Variants in PDE4D observed in about 807,000 individuals in gnomAD.
PDE4D encodes 3',5'-cyclic-AMP phosphodiesterase 4D.
Under a neutral mutation model 87.4 loss-of-function variants are expected in PDE4D, and 24 were observed. The observed-to-expected ratio is 0.27, with a 90% CI of 0.20 to 0.39. PDE4D has a LOEUF of 0.39. PDE4D is among the 10% of genes least tolerant of loss of function. PDE4D has a pLI of 1.00. For synonymous variants in PDE4D, 384 were observed against 383.2 expected (o/e 1.00, Z -0.02); for missense variants, 714 against 1,041.0 (o/e 0.69, Z 4.32).
chr5:59,642,830 T>C (rs1313713439), intron 1 of PDE4D, among the ~76,000 whole-genome samples: 1 of 152,228 alleles, frequency 6.6e-6, no homozygotes, highest in African/African-American at 2.4e-5. Flanking sequence ...TCATCTGATT[T>C]TTCTAATTTT....
At chr5:59,153,711 T>C (rs1233227365) in intron 5 of PDE4D, among the ~76,000 whole-genome samples, 2 of 151,874 alleles carry the variant, frequency 1.3e-5, no homozygotes, top group Admixed American at 6.6e-5. Context: ...ACTAGTACTA[T>C]GTGTGGTTAT....
intron 6 of PDE4D, among the ~76,000 whole-genome samples, chr5:59,026,703 T>C (rs200302671): frequency 2.5e-3 from 381 of 151,994 alleles, no homozygotes; most frequent in Non-Finnish European, 4.5e-3. Flanking sequence ...ACCCCAGATA[T>C]AGGATGGGAA....
chr5:59,962,747 T>C (rs1349687346), intron 3 of PDE4D, among the ~76,000 whole-genome samples: 2 of 152,108 alleles, frequency 1.3e-5, no homozygotes, highest in Non-Finnish European at 2.9e-5. Context: ...ATTATAAAAT[T>C]GGGTTGGGCA....
chr5:59,473,739 C>A (rs1802835907), intron 1 of PDE4D, among the ~76,000 whole-genome samples: 1 of 152,080 alleles, frequency 6.6e-6, no homozygotes, highest in African/African-American at 2.4e-5. Context: ...AACCTGTCAT[C>A]ATTACTCTTC....
chr5:59,695,354 A>C (rs1396002696), intron 1 of PDE4D, among the ~76,000 whole-genome samples: 1 of 151,854 alleles, frequency 6.6e-6, no homozygotes, highest in Non-Finnish European at 1.5e-5. Context: ...CAGGAACTGC[A>C]CCTTTTATTG....
At chr5:59,770,992 G>A (rs754800358) in intron 1 of PDE4D, among the ~76,000 whole-genome samples, 1 of 151,944 alleles carries the variant, frequency 6.6e-6, no homozygotes, top group Non-Finnish European at 1.5e-5. Flanking sequence ...ATAGCTGAGT[G>A]TGGTGGCATG....
intron 1 of PDE4D, among the ~76,000 whole-genome samples, chr5:59,578,105 T>C (rs1823482649): frequency 6.6e-6 from 1 of 152,106 alleles, no homozygotes; most frequent in Non-Finnish European, 1.5e-5. Context: ...AGGTTCCTAT[T>C]AAAAAGGGAG....
intron 5 of PDE4D, among the ~76,000 whole-genome samples, chr5:59,163,538 C>A (rs1163997495): frequency 6.6e-6 from 1 of 151,818 alleles, no homozygotes; most frequent in Non-Finnish European, 1.5e-5. Flanking sequence ...TCCCAAAATG[C>A]TGGATAACAG....
In PDE4D at chr5:59,762,348, G is replaced by GGGTACA. The variant is rs2150784956; in HGVS notation, c.455+130819_455+130820insTGTACC. ...CATATGCGTATATGGGTACACATAT[G>GGGTACA]CATATATGTGTATATGGGTACACAT... On this transcript the variant is annotated intron_variant, in intron 1 of 14. Coordinates refer to ENST00000340635, the MANE Select transcript of PDE4D (RefSeq NM_001104631.2). 1.6e-5 allele frequency among the ~76,000 whole-genome samples: 2 copies of GGGTACA among 123,684 alleles called. 1 individual carries two copies. The highest frequency in any genetic ancestry group is 1.5e-4 in the Admixed American group (2 of 13,074). 81.1% of individuals were successfully genotyped at this position (123,684 alleles called of 152,430 possible).
chr5:59,587,025 C>T, intron 1 of PDE4D: 3 of 984,786 alleles, frequency 3.0e-6, no homozygotes, highest in Non-Finnish European at 3.6e-6. Context: ...GCTGGTTCAA[C>T]TGCAAAAGTA....
intron 5 of PDE4D, chr5:59,166,398 C>A (rs544885391): frequency 1.3e-5 from 2 of 152,252 alleles, no homozygotes; most frequent in South Asian, 4.2e-4. Flanking sequence ...CCAGTACCCT[C>A]AACAGTTTCC....
At chr5:59,548,524 C>T (rs951847757) in intron 1 of PDE4D, among the ~76,000 whole-genome samples, 6 of 152,022 alleles carry the variant, frequency 3.9e-5, no homozygotes, top group African/African-American at 1.2e-4. Context: ...ATAAAGCTTA[C>T]GATCTGGTGG....
chr5:59,693,529 T>C lies in PDE4D; in HGVS notation c.455+199639A>G, dbSNP rs75080984. 9.3e-3 allele frequency among the ~76,000 whole-genome samples: 1,414 copies of C among 152,234 alleles called. 24 individuals carry two copies. Among genetic ancestry groups the C allele is most frequent in the African/African-American group, 0.032 (1,350 of 41,548 alleles). On this transcript the variant is annotated intron_variant, in intron 1 of 14. Coordinates refer to ENST00000340635, the MANE Select transcript of PDE4D (RefSeq NM_001104631.2). The stretch of plus-strand genomic sequence containing the variant: ...AATCACAACTATTTGCGAATTTTAG[T>C]GAAACAAATGGAACTTTTACAGCAA...
At chr5:60,316,770 G>A (rs1051716932) in intron 1 of PDE4D, among the ~76,000 whole-genome samples, 2 of 152,162 alleles carry the variant, frequency 1.3e-5, no homozygotes, top group African/African-American at 4.8e-5. Flanking sequence ...CATTGGTTCT[G>A]TTTATATGCT....
At chr5:59,272,750 C>A (rs569394176) in intron 1 of PDE4D, among the ~76,000 whole-genome samples, 136 of 151,880 alleles carry the variant, frequency 9.0e-4, no homozygotes, top group Non-Finnish European at 1.8e-3. Context: ...AACAGGCTGA[C>A]CTTTAATAAG....
intron 1 of PDE4D, among the ~76,000 whole-genome samples, chr5:60,284,996 A>G (rs1468863530): frequency 6.6e-6 from 1 of 152,108 alleles, no homozygotes; most frequent in African/African-American, 2.4e-5. Flanking sequence ...TATGGCTTAC[A>G]GTGTTTCTTT....
intron 6 of PDE4D, among the ~76,000 whole-genome samples, chr5:59,030,005 T>G (rs1757035209): frequency 6.6e-6 from 1 of 152,116 alleles, no homozygotes; most frequent in African/African-American, 2.4e-5. Context: ...AACTGTACTC[T>G]TATCTCACAC....
Position 59,961,477 on chromosome 5 carries a change from G to A in PDE4D, c.272+27011C>T, listed in dbSNP as rs1418857490. ...CCCTACAGCACCTTGATTTTGAACT[G>A]TATTCTGAGATGCAGAATTCTCTCT... On this transcript the variant is annotated intron_variant, in intron 3 of 16. Transcript: ENST00000502484. Among the ~76,000 whole-genome samples the A allele has an allele frequency of 3.9e-5, 6 of 151,924 alleles. No homozygotes were observed. The East Asian group carries it at 9.7e-4, about 25-fold the overall frequency.
intron 1 of PDE4D, among the ~76,000 whole-genome samples, chr5:59,463,058 A>G (rs187634960): frequency 3.3e-5 from 5 of 152,326 alleles, no homozygotes. Context: ...ATTAAATTCA[A>G]TTATTGACTG....
Sources: allele counts gnomAD v4.1 joint callset (sites outside exome capture counted in the v4.1 genomes callset), GRCh38; gene constraint gnomAD v4.1.1; transcripts MANE v1.5; gene names NCBI Gene and HGNC (gene_info 2026-07-23, HGNC 2026-07-21).